Variants in ALG1 observed in about 807,000 individuals in gnomAD.
The protein encoded by ALG1 is ALG1 chitobiosyldiphosphodolichol beta-mannosyltransferase.
Under a neutral mutation model 55.1 loss-of-function variants are expected in ALG1, and 58 were observed. The observed-to-expected ratio is 1.05, with a 90% confidence interval of 0.85 to 1.31. ALG1 has a LOEUF of 1.31. ALG1 is among the 50% of genes most tolerant of loss of function. The pLI, the probability that ALG1 is intolerant of heterozygous loss-of-function variation, is 0.00. For missense variants in ALG1, 761 were observed against 598.6 expected, an observed-to-expected ratio of 1.27 and a Z score of -2.83; for synonymous variants, 309 against 247.0, an observed-to-expected ratio of 1.25 and a Z score of -2.35.
At chr16:5,076,510 T>C (rs1164870228) in intron 4 of ALG1, among the ~76,000 whole-genome samples, 1 of 152,228 alleles carries the variant, frequency 6.6e-6, no homozygotes, top group Non-Finnish European at 1.5e-5. Flanking sequence ...CACAGCTAAG[T>C]GTGAGGACCA....
Position 5,072,018 on chromosome 16 carries a change from G to C in ALG1, c.169G>C (p.Ala57Pro). ...PRMQYHALSL[A>P]MHGFSVTLLG... ...TATGCAGTACCACGCGCTGTCGTTG[G>C]CCATGCACGGCTTCTCGGTGACCCT... The change falls in exon 1 of 13, where the codon GCC (alanine) becomes CCC (proline). Residue 57 changes from alanine to proline, a missense_variant. By Grantham distance (27) the Ala-to-Pro change is conservative. Transcript: ENST00000262374. 4 of 1,596,764 alleles carry C rather than the reference G, an allele frequency of 2.5e-6. No individual in the cohort carries two copies. The highest frequency in any genetic ancestry group is 3.4e-6 in the Non-Finnish European group (4 of 1,171,334).
Position 5,085,711 on chromosome 16 carries a change from T to G in ALG1, c.*830T>G. 6.2e-7 allele frequency: 1 copy of G among 1,611,756 alleles called. No homozygotes were observed. Among genetic ancestry groups the G allele is most frequent in the African/African-American group, 1.3e-5 (1 of 74,942 alleles). On this transcript the variant is annotated 3_prime_UTR_variant, in exon 13 of 13. Transcript: ENST00000262374. Reference sequence around the variant, plus strand: ...TTTCTGCTCATGACGAGGTTCCACTTCCCATCTGATCCCGGCCCGGCCTGG... The same window carrying G: ...TTTCTGCTCATGACGAGGTTCCACTGCCCATCTGATCCCGGCCCGGCCTGG...
intron 4 of ALG1, 132 bp from the exon 5 acceptor site, chr16:5,077,313 C>T: frequency 1.3e-6 from 1 of 786,910 alleles, no homozygotes; most frequent in Non-Finnish European, 2.2e-6. Flanking sequence ...AGAACACTGG[C>T]ACAGCTGGGG....
chr16:5,081,384 G>T (rs1223110229), intron 10 of ALG1, among the ~76,000 whole-genome samples: 2 of 152,244 alleles, frequency 1.3e-5, no homozygotes, highest in African/African-American at 4.8e-5. Flanking sequence ...GAGGTACGGG[G>T]ACGATGTGTC....
rs1350480175 is a variant in ALG1, at chr16:5,080,961, G to C, written c.977G>C (p.Arg326Thr). Residue 326 changes from arginine to threonine, a missense_variant, in exon 10 of 13, where the codon AGG becomes ACG. By Grantham distance (71) the Arg-to-Thr change is moderately conservative. Transcript: ENST00000262374. ...CTCTGTGAAGGCAAAGGGCCTCTGA[G>C]GGAGTATTATAGCCGCCTCATCCAC... ...VCVITGKGPL[R>T]EYYSRLIHQK... 6.3e-7 allele frequency: 1 copy of C among 1,596,416 alleles called. No homozygotes were observed.
intron 4 of ALG1, among the ~76,000 whole-genome samples, chr16:5,075,771 C>G (rs74006410): frequency 1.3e-4 from 20 of 152,190 alleles, no homozygotes; most frequent in Admixed American, 1.3e-3. Flanking sequence ...TGGTTTCGAG[C>G]TCAGCAGTGT....
intron 10 of ALG1, 137 bp downstream of exon 10, chr16:5,081,193 CT>C (rs1957013330): frequency 8.8e-7 from 1 of 1,133,082 alleles, no homozygotes; most frequent in African/African-American, 1.6e-5. Flanking sequence ...GAGGAGGCTA[CT>C]TCCTGGTGTG....
Position 5,085,094 on chromosome 16 carries a change from CTCT to C in ALG1, c.*220_*222del, listed in dbSNP as rs368205784. 146 of 841,024 alleles carry C rather than the reference CTCT, an allele frequency of 1.7e-4. 1 individual carries two copies. The highest frequency in any genetic ancestry group is 1.6e-3 in the East Asian group (60 of 37,622). The allele number at this position is 841,024 out of a possible 1,614,324, so 52.1% of individuals were successfully genotyped here. ...CTCTGGAGGCTTGGAAACGCTTCCT[CTCT>C]TCTTCTGTTCTTCACGCCCCATGCC... On this transcript the variant is annotated 3_prime_UTR_variant, in exon 13 of 13. Coordinates refer to ENST00000262374, the MANE Select transcript of ALG1 (RefSeq NM_019109.5).
In ALG1 at chr16:5,078,263, C is replaced by T; in HGVS notation, c.740+246C>T. On this transcript the variant is annotated intron_variant, in intron 6 of 12. Transcript: ENST00000262374. Reference sequence around the variant, plus strand: ...TTTGCAACAGAGAACCTGTGGCCCGCAAAGCCTGAAGTATTTACTCTCTGG... The same window carrying T: ...TTTGCAACAGAGAACCTGTGGCCCGTAAAGCCTGAAGTATTTACTCTCTGG... 20 of 687,306 alleles carry T rather than the reference C, an allele frequency of 2.9e-5. No homozygotes were observed. The South Asian group carries it at 3.0e-4, about 10-fold the overall frequency. The allele number at this position is 687,306 out of a possible 1,614,324, so 42.6% of individuals were successfully genotyped here. A position where few individuals can be genotyped will look rare whatever the true frequency, so the allele number is the denominator to read the frequency against.
rs746868768 is a variant in ALG1 at position 5,079,823 on chromosome 16, C to G, written c.961+16C>G. On this transcript the variant is annotated intron_variant, in intron 9 of 12. Transcript: ENST00000262374. Reference sequence around the variant, plus strand: ...GTGATAACAGGTACTGCCTGGGACCCTGGGTGTCTGTTTGGTTGGGGGATG... The same window carrying G: ...GTGATAACAGGTACTGCCTGGGACCGTGGGTGTCTGTTTGGTTGGGGGATG... The G allele has an allele frequency of 1.9e-6, 3 of 1,611,258 alleles. No individual in the cohort carries two copies. Among genetic ancestry groups the G allele is most frequent in the African/African-American group, 1.3e-5 (1 of 74,926 alleles).
chr16:5,078,458 G>T, intron 6 of ALG1: 9 of 630,944 alleles, frequency 1.4e-5, no homozygotes, highest in South Asian at 1.4e-4. Context: ...TGGGTAAGCT[G>T]GGGTGGTGTG....
intron 8 of ALG1, 119 bp downstream of exon 8, chr16:5,079,221 C>G: frequency 7.3e-7 from 1 of 1,368,678 alleles, no homozygotes; most frequent in East Asian, 2.5e-5. Context: ...AGCCTGGGGA[C>G]AGCGGGGGTG....
rs995185688 is a variant in ALG1 at position 5,086,162 on chromosome 16, C to T, written c.*1281C>T. Among the ~76,000 whole-genome samples, 9 of 152,094 alleles carry T rather than the reference C, an allele frequency of 5.9e-5. No homozygotes were observed. The highest frequency in any genetic ancestry group is 1.0e-4 in the Non-Finnish European group (7 of 68,024). On this transcript the variant is annotated 3_prime_UTR_variant, in exon 13 of 13. Coordinates refer to ENST00000262374, the MANE Select transcript of ALG1 (RefSeq NM_019109.5). ...ACCAGCCTGGCCAACATGGTGAAATCCCATCTCTACAAAAATACAGAAATT... is the reference window on the plus strand; with the variant it reads ...ACCAGCCTGGCCAACATGGTGAAATTCCATCTCTACAAAAATACAGAAATT...
Position 5,075,394 on chromosome 16 carries a change from C to T in ALG1, c.397C>T (p.Pro133Ser). Residue 133 changes from proline to serine, a missense_variant, in exon 4 of 13, where the codon CCA (proline) becomes TCA (serine). Pro to Ser is a moderately conservative substitution (Grantham distance 74). Transcript: ENST00000262374. ...PGAYIFLQNP[P>S]GLPSIAVCWF... is the part of the protein sequence containing the mutation. ...AAGTCTCTATCTTTCCTAGAACCCC[C>T]CAGGTCTGCCTAGCATTGCTGTCTG... The T allele has an allele frequency of 6.2e-7, 1 of 1,614,136 alleles. No individual in the cohort carries two copies. The highest frequency in any genetic ancestry group is 8.5e-7 in the Non-Finnish European group (1 of 1,180,022).
chr16:5,080,863 C>T (rs1341227786), intron 9 of ALG1, 83 bp from the exon 10 acceptor site: 3 of 1,545,716 alleles, frequency 1.9e-6, no homozygotes, highest in Admixed American at 1.7e-5. Context: ...AGGGATCCCT[C>T]CTAGGGGGGA....
rs775451604 is a variant in ALG1 at position 5,077,477 on chromosome 16, T to A, written c.572T>A (p.Leu191Gln). 3.1e-6 allele frequency: 5 copies of A among 1,614,206 alleles called. No homozygotes were observed. Among genetic ancestry groups the A allele is most frequent in the Non-Finnish European group, 4.2e-6 (5 of 1,180,030 alleles). ...YEKFFGRLSH[L>Q]NLCVTNAMRE... ...AAGTTCTTTGGGCGCCTGTCCCACC[T>A]GAACCTGTGTGTTACCAATGCTATG... Residue 191 changes from leucine (L) to glutamine (Q), a missense_variant, in exon 5 of 13, where the codon CTG (leucine) becomes CAG (glutamine). Transcript: ENST00000262374.
At chr16:5,078,274 G>A (rs1164304634) in intron 6 of ALG1, 1 of 678,478 alleles carries the variant, frequency 1.5e-6, no homozygotes. Flanking sequence ...AAAGCCTGAA[G>A]TATTTACTCT....
Position 5,086,944 on chromosome 16 carries a change from G to A in ALG1, c.*2063G>A, listed in dbSNP as rs553727202. 4 of 152,340 alleles carry A rather than the reference G, an allele frequency of 2.6e-5. No homozygotes were observed. Among genetic ancestry groups the A allele is most frequent in the African/African-American group, 9.6e-5 (4 of 41,582 alleles). 9.4% of individuals were successfully genotyped at this position (152,340 alleles called of 1,614,324 possible). On this transcript the variant is annotated 3_prime_UTR_variant, in exon 13 of 13. Transcript: ENST00000262374. ...CCTCCCAAAGCCTCAGCCTCTTACA[G>A]TGTTGGGATTACAGGCGTGAGACAC...
At chr16:5,079,606 T>C in intron 8 of ALG1, 142 bp from the exon 9 acceptor site, 3 of 978,282 alleles carry the variant, frequency 3.1e-6, no homozygotes, top group Non-Finnish European at 4.8e-6. Context: ...CGAGAATTAC[T>C]TGAACCCAGG....
Sources: allele counts gnomAD v4.1 joint callset (sites outside exome capture counted in the v4.1 genomes callset), GRCh38; gene constraint gnomAD v4.1.1; transcripts MANE v1.5; gene names NCBI Gene and HGNC (gene_info 2026-07-23, HGNC 2026-07-21).